The following PCDHGA4 variants were observed in gnomAD, a reference collection of about 807,000 sequenced individuals.
PCDHGA4 encodes protocadherin gamma subfamily A, 4, also known as protocadherin gamma-A4.
In PCDHGA4, 38 loss-of-function variants were observed where a neutral mutation model predicts 54.6. The observed-to-expected ratio is 0.70, with a 90% CI of 0.54 to 0.91. The LOEUF (loss-of-function observed/expected upper bound fraction) is 0.91. PCDHGA4 is among the 40% of genes least tolerant of loss of function. PCDHGA4 has a pLI of 0.00. For missense variants in PCDHGA4, 1,298 were observed against 1,220.9 expected (o/e 1.06, Z -0.94); for synonymous variants, 511 against 512.9 (o/e 1.00, Z 0.05).
At position 141,364,855 on chromosome 5, in the gene PCDHGA4, T is replaced by A. The variant is rs772829595; in HGVS notation, c.2514+7234T>A. 3.1e-6 allele frequency: 5 copies of A among 1,613,874 alleles called. No homozygotes were observed. The African/African-American group carries it at 5.3e-5, about 17-fold the overall frequency. The stretch of plus-strand genomic sequence containing the variant: ...TCCGGAGTTACCAGCTCAGCTCCAA[T>A]CTGCACTTCTCTCTGGATGTGGTAA... On this transcript the variant is annotated intron_variant, in intron 1 of 3. Coordinates refer to ENST00000571252, the MANE Select transcript of PCDHGA4 (RefSeq NM_018917.4).
At chr5:141,423,967 A>C (rs760284844) in intron 1 of PCDHGA4, 11 of 1,153,498 alleles carry the variant, frequency 9.5e-6, no homozygotes, top group Non-Finnish European at 1.2e-5. Flanking sequence ...TTTTTCTATT[A>C]TCAGTGTATG....
chr5:141,394,454 A>G (rs1394596470), intron 1 of PCDHGA4: 2 of 1,614,212 alleles, frequency 1.2e-6, no homozygotes, highest in Admixed American at 1.7e-5. Context: ...GCAACATGTC[A>G]CTGAGCCTGT....
chr5:141,426,086 G>A (rs751467304), intron 1 of PCDHGA4, among the ~76,000 whole-genome samples: 5 of 152,218 alleles, frequency 3.3e-5, no homozygotes, highest in Non-Finnish European at 7.3e-5. Context: ...CTACCAGGAC[G>A]ATATTCTGTT....
At chr5:141,502,708 A>G (rs1172090234) in intron 2 of PCDHGA4, among the ~76,000 whole-genome samples, 1 of 152,204 alleles carries the variant, frequency 6.6e-6, no homozygotes, top group Non-Finnish European at 1.5e-5. Flanking sequence ...CTGTTTTTAC[A>G]TCAGTGATTA....
intron 1 of PCDHGA4, among the ~76,000 whole-genome samples, chr5:141,380,043 G>A (rs1366839689): frequency 6.6e-6 from 1 of 151,834 alleles, no homozygotes; most frequent in Non-Finnish European, 1.5e-5. Context: ...GGGATTACAG[G>A]TGCATGCCAC....
chr5:141,389,644 C>T (rs2091854728), intron 1 of PCDHGA4: 1 of 1,612,926 alleles, frequency 6.2e-7, no homozygotes, highest in Admixed American at 1.7e-5. Context: ...TACTTGGTGA[C>T]CAAGGTAGTG....
chr5:141,432,946 A>G lies in PCDHGA4; in HGVS notation c.2515-61861A>G. 2 of 1,614,130 alleles carry G rather than the reference A, an allele frequency of 1.2e-6. No individual in the cohort carries two copies. The highest frequency in any genetic ancestry group is 1.1e-5 in the South Asian group (1 of 91,080). ...AGTCACGCCTGCTGCAGGCTTCAGG[A>G]GGCGGCTTGACAGGAGCGCCGGCGT... is the stretch of plus-strand genomic sequence containing the variant. On this transcript the variant is annotated intron_variant, in intron 1 of 3. Coordinates refer to ENST00000571252, the MANE Select transcript of PCDHGA4 (RefSeq NM_018917.4). This position sits in a 1 kb window ranked among gnomAD's most constrained non-coding sequence, Gnocchi z 6.0.
chr5:141,355,969 G>A lies in PCDHGA4; in HGVS notation c.862G>A (p.Val288Ile), dbSNP rs1359465657. The A allele has an allele frequency of 3.7e-6, 6 of 1,613,732 alleles. No individual in the cohort carries two copies. Among genetic ancestry groups the A allele is most frequent in the Middle Eastern group, 3.3e-4 (2 of 6,084 alleles). Residue 288 changes from valine to isoleucine, a missense_variant, in exon 1 of 4, where the codon GTA (valine) becomes ATA (isoleucine). Val to Ile is a conservative substitution (Grantham distance 29). Coordinates refer to ENST00000571252, the MANE Select transcript of PCDHGA4 (RefSeq NM_018917.4). ...YHVSVRENVPVGTRLLTVKAT... is the reference protein window; with the variant it reads ...YHVSVRENVPIGTRLLTVKAT... ...CGTAAGTGTTCGTGAGAACGTTCCT[G>A]TAGGCACTCGGCTACTCACCGTAAA...
At position 141,486,538 on chromosome 5, in the gene PCDHGA4, C is replaced by A; in HGVS notation, c.2515-8269C>A. 1 of 1,614,150 alleles carries A rather than the reference C, an allele frequency of 6.2e-7. No individual in the cohort carries two copies. Among genetic ancestry groups the A allele is most frequent in the Non-Finnish European group, 8.5e-7 (1 of 1,180,038 alleles). ...ATGTGAATGATAATCCACCCTCTTTCTTTCAGAGGTCACATGAGGTGTTTG... is the reference window on the plus strand; with the variant it reads ...ATGTGAATGATAATCCACCCTCTTTATTTCAGAGGTCACATGAGGTGTTTG... On this transcript the variant is annotated intron_variant, in intron 1 of 3. Coordinates refer to ENST00000571252, the MANE Select transcript of PCDHGA4 (RefSeq NM_018917.4). This position sits in a 1 kb window ranked among gnomAD's most constrained non-coding sequence, Gnocchi z 5.0.
rs1020682392 is a variant in PCDHGA4 at position 141,371,814 on chromosome 5, G to A, written c.2514+14193G>A. 2.5e-6 allele frequency: 4 copies of A among 1,613,774 alleles called. No individual in the cohort carries two copies. In the East Asian group the frequency reaches 6.7e-5, roughly 27 times the overall value. Reference sequence around the variant, plus strand: ...TCCGCCTGGAGCCTCCATTGCGCATGTCAGAGCCTCGGATCCCGACTTGGG... The same window carrying A: ...TCCGCCTGGAGCCTCCATTGCGCATATCAGAGCCTCGGATCCCGACTTGGG... On this transcript the variant is annotated intron_variant, in intron 1 of 3. Transcript: ENST00000571252.
intron 1 of PCDHGA4, chr5:141,415,744 T>TTTG (rs2095926305): frequency 2.5e-6 from 1 of 404,416 alleles, no homozygotes; most frequent in South Asian, 6.6e-5. Context: ...ATTAAGGTTT[T>TTTG]TTTTTTTTTT....
chr5:141,423,185 C>T (rs996177363), intron 1 of PCDHGA4: 7 of 1,613,492 alleles, frequency 4.3e-6, no homozygotes, highest in Non-Finnish European at 5.9e-6. Context: ...CACGGCCAGC[C>T]CCCTCTCTCG....
At position 141,356,481 on chromosome 5, in the gene PCDHGA4, G is replaced by C. The variant is rs1760234001; in HGVS notation, c.1374G>C (p.Gln458His). ...ACATCACTGTAACTGCCACTGACCA[G>C]GGAACTCCTCCACTGTCTACAGAAA... ...EYNITVTATD[Q>H]GTPPLSTETH... Residue 458 changes from glutamine (Q) to histidine (H), a missense_variant, in exon 1 of 4, where the codon CAG becomes CAC. Gln to His is a conservative substitution (Grantham distance 24). Transcript: ENST00000571252. 1 of 1,613,916 alleles carries C rather than the reference G, an allele frequency of 6.2e-7. No homozygotes were observed. Among genetic ancestry groups the C allele is most frequent in the Non-Finnish European group, 8.5e-7 (1 of 1,179,876 alleles).
chr5:141,467,295 C>T (rs2099141170), intron 1 of PCDHGA4, among the ~76,000 whole-genome samples: 1 of 152,114 alleles, frequency 6.6e-6, no homozygotes, highest in South Asian at 2.1e-4. Flanking sequence ...TCAAGTGATC[C>T]ACTCACCTCG....
chr5:141,372,259 G>A (rs1229622208), intron 1 of PCDHGA4: 9 of 1,613,108 alleles, frequency 5.6e-6, no homozygotes, highest in Non-Finnish European at 7.6e-6. Context: ...CTGGGCCTGC[G>A]CACGGGTGAG....
intron 1 of PCDHGA4, among the ~76,000 whole-genome samples, chr5:141,488,600 A>G (rs2099677400): frequency 6.6e-6 from 1 of 152,166 alleles, no homozygotes; most frequent in Admixed American, 6.5e-5. Flanking sequence ...AAGACTTTAC[A>G]AGGTTCTTAC....
chr5:141,423,201 C>G, intron 1 of PCDHGA4: 1 of 1,613,628 alleles, frequency 6.2e-7, no homozygotes, highest in Non-Finnish European at 8.5e-7. Context: ...TCTCGGCCAC[C>G]GTCACGCTCA....
chr5:141,443,974 G>A (rs775899117), intron 1 of PCDHGA4, among the ~76,000 whole-genome samples: 5 of 152,066 alleles, frequency 3.3e-5, no homozygotes, highest in Non-Finnish European at 7.4e-5. Context: ...GTCCATCTAA[G>A]CTATGTTAAT....
At chr5:141,375,806 G>C (rs1223554303) in intron 1 of PCDHGA4, 1 of 1,614,088 alleles carries the variant, frequency 6.2e-7, no homozygotes, top group African/African-American at 1.3e-5. Context: ...TTCCACTGGC[G>C]TGGAGCTGGC....
Sources: gnomAD v4.1 joint callset for allele counts (sites outside exome capture counted in the v4.1 genomes callset) on GRCh38, gnomAD v4.1.1 for gene constraint, Gnocchi (gnomAD v3.1) non-coding constraint, MANE v1.5 for transcripts, NCBI Gene and HGNC (gene_info 2026-07-23, HGNC 2026-07-21) for gene names.